Variants in ALG3 observed in about 807,000 individuals in gnomAD.
The protein encoded by ALG3 is ALG3 alpha-1,3- mannosyltransferase, also known as dol-P-Man:Man(5)GlcNAc(2)-PP-Dol alpha-1,3-mannosyltransferase.
A neutral mutation model predicts 50.5 loss-of-function variants in ALG3; 39 were observed. The ratio of observed to expected loss-of-function variants is 0.77; its 90% confidence interval spans 0.60 to 1.01. The LOEUF (loss-of-function observed/expected upper bound fraction) is 1.01. Ranked by LOEUF, ALG3 falls within the 50% of genes least tolerant of loss-of-function variation. The pLI is 0.00. For synonymous variants in ALG3, 252 were observed against 237.2 expected, an observed-to-expected ratio of 1.06 and a Z score of -0.58; for missense variants, 520 against 554.8, an observed-to-expected ratio of 0.94 and a Z score of 0.63.
intron 4 of ALG3, 42 bp from the exon 5 acceptor site, chr3:184,244,763 G>T (rs753627687): frequency 1.3e-6 from 2 of 1,592,940 alleles, no homozygotes; most frequent in South Asian, 2.3e-5. Flanking sequence ...ATCAGCTCCA[G>T]GGCCATGCAC....
intron 7 of ALG3, 29 bp from the exon 8 acceptor site, chr3:184,242,986 A>G (rs1718912620): frequency 6.2e-7 from 1 of 1,610,936 alleles, no homozygotes; most frequent in South Asian, 1.1e-5. Flanking sequence ...CAAGGGCAGG[A>G]GTGTGTGTGG....
chr3:184,248,621 A>C, intron 1 of ALG3, 124 bp downstream of exon 1: 1 of 884,738 alleles, frequency 1.1e-6, no homozygotes, highest in Middle Eastern at 3.5e-4. Flanking sequence ...AGGGATATGG[A>C]TGGGTTCGCA....
At chr3:184,244,243 A>G in intron 5 of ALG3, 1 of 554,006 alleles carries the variant, frequency 1.8e-6, no homozygotes, top group Non-Finnish European at 3.2e-6. Context: ...AACTGGGCAG[A>G]GCAAGGAAGG....
chr3:184,249,431 C>G, upstream of ALG3: 2 of 888,636 alleles, frequency 2.3e-6, no homozygotes, highest in Non-Finnish European at 3.4e-6. Context: ...TGAGAGGACG[C>G]AGTGATGAGC....
chr3:184,244,385 A>G, intron 5 of ALG3: 1 of 612,956 alleles, frequency 1.6e-6, no homozygotes, highest in South Asian at 2.6e-5. Context: ...CTCAAAACTT[A>G]AAATTAAAAA....
Position 184,242,866 on chromosome 3 carries a change from T to A in ALG3, c.1101A>T (p.Thr367=). Residue 367 remains threonine, a synonymous_variant, in exon 8 of 9, where the codon ACA becomes ACT. Coordinates refer to ENST00000397676, the MANE Select transcript of ALG3 (RefSeq NM_005787.6). ...GCATGGCCCACAGGAGGTAGGGCAG[T>A]GTGTGGAAATACCAGACGTAGAACT... is the stretch of plus-strand genomic sequence containing the variant. ...HYQFYVWYFH[T]LPYLLWAMPA... 6.2e-7 allele frequency: 1 copy of A among 1,613,764 alleles called. No individual in the cohort carries two copies. Among genetic ancestry groups the A allele is most frequent in the Non-Finnish European group, 8.5e-7 (1 of 1,179,860 alleles).
chr3:184,247,585 G>C (rs1022907162), intron 1 of ALG3, among the ~76,000 whole-genome samples: 1 of 151,634 alleles, frequency 6.6e-6, no homozygotes, highest in East Asian at 2.0e-4. Context: ...GGCGTGTGCC[G>C]CTGCGCCCAG....
intron 5 of ALG3, chr3:184,244,369 G>A (rs1719013766): frequency 3.5e-6 from 2 of 566,980 alleles, no homozygotes; most frequent in Admixed American, 3.3e-5. Context: ...CCCAGCAAGA[G>A]CCCATCTCAA....
chr3:184,242,711 G>C (rs1718877449), intron 8 of ALG3, 35 bp from the exon 9 acceptor site: 2 of 1,570,034 alleles, frequency 1.3e-6, no homozygotes, highest in Non-Finnish European at 1.7e-6. Context: ...GTTTCATCCA[G>C]TTGCAAGGCC....
upstream of ALG3, chr3:184,248,972 A>AC (rs1230296953): frequency 2.6e-6 from 4 of 1,547,594 alleles, no homozygotes; most frequent in African/African-American, 1.4e-5. Context: ...TGGGCCCACC[A>AC]CCCCCGGAAA....
At chr3:184,246,088 G>T (rs1473106870) in intron 1 of ALG3, among the ~76,000 whole-genome samples, 1 of 152,098 alleles carries the variant, frequency 6.6e-6, no homozygotes, top group Non-Finnish European at 1.5e-5. Context: ...ACCAGGTCAC[G>T]AACCTGAGTA....
intron 4 of ALG3, 125 bp downstream of exon 4, chr3:184,245,073 C>G (rs370523588): frequency 7.8e-7 from 1 of 1,283,616 alleles, no homozygotes; most frequent in East Asian, 2.5e-5. Flanking sequence ...ATCCTGGACT[C>G]GCTTTGTGGA....
chr3:184,247,933 C>T (rs1441522947), intron 1 of ALG3, among the ~76,000 whole-genome samples: 1 of 151,662 alleles, frequency 6.6e-6, no homozygotes, highest in Non-Finnish European at 1.5e-5. Flanking sequence ...GAAAGCTCTG[C>T]CTCCCGGGTT....
rs756232119 is a variant in ALG3 at position 184,242,649 on chromosome 3, G to A, written c.1182C>T (p.Leu394=). The A allele has an allele frequency of 5.1e-6, 8 of 1,561,834 alleles. No individual in the cohort carries two copies. In the African/African-American group the frequency reaches 8.1e-5, roughly 16 times the overall value. Reference sequence around the variant, plus strand: ...ATGTGGAAGGGTATGTGTTCCAGGAGAGCTCGATGAGCCCCAGCACCAACA... The same window carrying A: ...ATGTGGAAGGGTATGTGTTCCAGGAAAGCTCGATGAGCCCCAGCACCAACA... The part of the protein sequence containing the change: ...LRLLVLGLIE[L]SWNTYPSTSC... Residue 394 remains leucine (L), a synonymous_variant, in exon 9 of 9, where the codon CTC becomes CTT. Coordinates refer to ENST00000397676, the MANE Select transcript of ALG3 (RefSeq NM_005787.6).
chr3:184,242,827 G>A lies in ALG3; in HGVS notation c.1140C>T (p.Leu380=). 1.2e-6 allele frequency: 2 copies of A among 1,613,882 alleles called. No homozygotes were observed. The highest frequency in any genetic ancestry group is 2.2e-5 in the South Asian group (2 of 91,080). Residue 380 remains leucine, a synonymous_variant, in exon 8 of 9, where the codon CTC becomes CTT. Transcript: ENST00000397676. The part of the protein sequence containing the change: ...YLLWAMPARW[L]THLLRLLVLG... ...CCAGCTGGTACCTGAGCAGGTGTGT[G>A]AGCCAGCGTGCAGGCATGGCCCACA...
chr3:184,248,633 T>C, intron 1 of ALG3, 112 bp downstream of exon 1: 2 of 1,018,338 alleles, frequency 2.0e-6, no homozygotes, highest in Non-Finnish European at 2.8e-6. Flanking sequence ...GGGTTCGCAA[T>C]TGACGAGTGA....
intron 1 of ALG3, among the ~76,000 whole-genome samples, chr3:184,248,096 C>T (rs896476437): frequency 9.2e-5 from 14 of 151,682 alleles, no homozygotes; most frequent in Non-Finnish European, 1.8e-4. Context: ...CCTCGTGATC[C>T]GCCCGCCTCG....
intron 7 of ALG3, chr3:184,243,236 C>T: frequency 1.8e-6 from 1 of 568,700 alleles, no homozygotes; most frequent in South Asian, 2.3e-5. Context: ...CTTAATTTTT[C>T]CATCTGTAAA....
At chr3:184,248,688 T>C (rs1719323428) in intron 1 of ALG3, 57 bp downstream of exon 1, 5 of 1,463,674 alleles carry the variant, frequency 3.4e-6, no homozygotes, top group East Asian at 2.3e-5. Context: ...GAGATCCAGT[T>C]TGGGTCGCGG....
Sources: allele counts gnomAD v4.1 joint callset (sites outside exome capture counted in the v4.1 genomes callset), GRCh38; gene constraint gnomAD v4.1.1; transcripts MANE v1.5; gene names NCBI Gene and HGNC (gene_info 2026-07-23, HGNC 2026-07-21).